Variants in OR51F1 observed in about 807,000 individuals in gnomAD.
OR51F1 encodes olfactory receptor family 51 subfamily F member 1.
For synonymous variants in OR51F1, 142 were observed against 143.5 expected (o/e 0.99, Z 0.08); for missense variants, 438 against 385.4 (o/e 1.14, Z -1.14).
Position 4,769,105 on chromosome 11 carries a change from G to A in OR51F1, c.834C>T (p.Pro278=), listed in dbSNP as rs1392551407. ...SLVYRYGRSA[P]RVVHSVMANV... is the part of the protein sequence containing the mutation. ...TAGCCATCACTGAATGGACTACTCT[G>A]GGGGCTGACCGACCATAGCGATACA... Residue 278 remains proline, a synonymous_variant, in exon 1 of 1, where the codon CCC becomes CCT. Transcript: ENST00000624103. The A allele has an allele frequency of 1.3e-6, 2 of 1,599,664 alleles. No individual in the cohort carries two copies. The highest frequency in any genetic ancestry group is 1.3e-5 in the African/African-American group (1 of 74,688).
In OR51F1 at chr11:4,769,626, T is replaced by C; in HGVS notation, c.313A>G (p.Ser105Gly). The change falls in exon 1 of 1, where the codon AGC (serine) becomes GGC (glycine). Residue 105 changes from serine to glycine, a missense_variant. Transcript: ENST00000624103. The stretch of plus-strand genomic sequence containing the variant: ...AGAAAAAACATCTGGACAATGCAGC[T>C]ATATAGACTGATTTCACGTGCCTCA... The part of the protein sequence containing the change: ...WFEAREISLY[S>G]CIVQMFFLHG... 1 of 1,603,764 alleles carries C rather than the reference T, an allele frequency of 6.2e-7. No individual in the cohort carries two copies. Among genetic ancestry groups the C allele is most frequent in the Non-Finnish European group, 8.5e-7 (1 of 1,177,034 alleles).
In OR51F1 at chr11:4,769,552, A is replaced by T. The variant is rs1848683669; in HGVS notation, c.387T>A (p.Phe129Leu). The change falls in exon 1 of 1, where the codon TTT (phenylalanine) becomes TTA (leucine). Residue 129 changes from phenylalanine (F) to leucine (L), a missense_variant. By Grantham distance (22) the Phe-to-Leu change is conservative. Coordinates refer to ENST00000624103, the MANE Select transcript of OR51F1 (RefSeq NM_001004752.2). ...MESGVLVATAFDRYVAICDPL... is the reference protein window; with the variant it reads ...MESGVLVATALDRYVAICDPL... ...GGTCACAGATGGCCACATAACGGTC[A>T]AAGGCTGTAGCCACCAGCACTCCAG... The T allele has an allele frequency of 6.2e-7, 1 of 1,613,460 alleles. No individual in the cohort carries two copies. Among genetic ancestry groups the T allele is most frequent in the African/African-American group, 1.3e-5 (1 of 74,898 alleles).
Position 4,769,147 on chromosome 11 carries a change from C to A in OR51F1, c.792G>T (p.Met264Ile). ...VGAVAFFYIHMLSLSLVYRYG... is the reference protein window; with the variant it reads ...VGAVAFFYIHILSLSLVYRYG... ...AGCGATACACCAAGGACAGGCTCAG[C>A]ATGTGGATGTAGAAGAAAGCAACTG... is the stretch of plus-strand genomic sequence containing the variant. The change falls in exon 1 of 1, where the codon ATG (methionine) becomes ATT (isoleucine). Residue 264 changes from methionine (M) to isoleucine (I), a missense_variant. Physicochemically the swap from Met to Ile is conservative, Grantham distance 10. Coordinates refer to ENST00000624103, the MANE Select transcript of OR51F1 (RefSeq NM_001004752.2). 1 of 1,613,028 alleles carries A rather than the reference C, an allele frequency of 6.2e-7. No homozygotes were observed.
chr11:4,769,270 A>C lies in OR51F1; in HGVS notation c.669T>G (p.Ile223Met), dbSNP rs940698397. ...ILTTGIDTPC[I>M]VLSYILIIHS... The stretch of plus-strand genomic sequence containing the variant: ...GAATAATTAAGATATATGACAGGAC[A>C]ATGCATGGTGTATCTATTCCAGTGG... Residue 223 changes from isoleucine to methionine, a missense_variant, in exon 1 of 1, where the codon ATT becomes ATG. Ile to Met is a conservative substitution (Grantham distance 10, BLOSUM62 1). Transcript: ENST00000624103. 6.8e-6 allele frequency: 11 copies of C among 1,613,594 alleles called. No individual in the cohort carries two copies. In the Admixed American group the frequency reaches 1.0e-4, roughly 15 times the overall value.
rs766603527 is a variant in OR51F1 at position 4,769,100 on chromosome 11, A to C, written c.839T>G (p.Val280Gly). Residue 280 changes from valine (V) to glycine (G), a missense_variant, in exon 1 of 1, where the codon GTA becomes GGA. Val to Gly is a moderately radical substitution (Grantham distance 109). Coordinates refer to ENST00000624103, the MANE Select transcript of OR51F1 (RefSeq NM_001004752.2). ...TACATTAGCCATCACTGAATGGACTACTCTGGGGGCTGACCGACCATAGCG... is the reference window on the plus strand; with the variant it reads ...TACATTAGCCATCACTGAATGGACTCCTCTGGGGGCTGACCGACCATAGCG... Reference protein sequence around the residue: ...VYRYGRSAPRVVHSVMANVYL... With the variant: ...VYRYGRSAPRGVHSVMANVYL... 43 of 1,597,060 alleles carry C rather than the reference A, an allele frequency of 2.7e-5. No homozygotes were observed. In the East Asian group the frequency reaches 7.4e-4, roughly 27 times the overall value.
rs1030723 is a variant in OR51F1, at chr11:4,769,241, G to C, written c.698C>G (p.Ser233Cys). The C allele has an allele frequency of 3.6e-4, 587 of 1,613,354 alleles. 1 individual carries two copies. Among genetic ancestry groups the C allele is most frequent in the Non-Finnish European group, 4.6e-4 (537 of 1,179,422 alleles). Residue 233 changes from serine (S) to cysteine (C), a missense_variant, in exon 1 of 1, where the codon TCT becomes TGT. Physicochemically the swap from Ser to Cys is moderately radical, Grantham distance 112 (BLOSUM62 -1). Transcript: ENST00000624103. ...TTCAGGGGAGGCAATTCTGAGGACA[G>C]AGTGAATAATTAAGATATATGACAG... ...IVLSYILIIH[S>C]VLRIASPEEW...
At position 4,769,457 on chromosome 11, in the gene OR51F1, G is replaced by A. The variant is rs1848681140; in HGVS notation, c.482C>T (p.Ala161Val). 6.2e-7 allele frequency: 1 copy of A among 1,612,512 alleles called. No individual in the cohort carries two copies. Among genetic ancestry groups the A allele is most frequent in the Non-Finnish European group, 8.5e-7 (1 of 1,178,570 alleles). Residue 161 changes from alanine to valine, a missense_variant, in exon 1 of 1, where the codon GCT becomes GTT. Ala to Val is a moderately conservative substitution (Grantham distance 64). Coordinates refer to ENST00000624103, the MANE Select transcript of OR51F1 (RefSeq NM_001004752.2). ...AAGTAGTGGCAATATTAGTACTATA[G>A]CACGTGTAATCATCAGAAGACCCAT... ...IQMGLLMITR[A>V]IVLILPLLLL...
chr11:4,769,596 C>T lies in OR51F1; in HGVS notation c.343G>A (p.Gly115Arg), dbSNP rs1564905395. 2 of 1,613,164 alleles carry T rather than the reference C, an allele frequency of 1.2e-6. No homozygotes were observed. The highest frequency in any genetic ancestry group is 1.7e-5 in the Admixed American group (1 of 59,986). The change falls in exon 1 of 1, where the codon GGA (glycine) becomes AGA (arginine). Residue 115 changes from glycine (G) to arginine (R), a missense_variant. By Grantham distance (125) the Gly-to-Arg change is moderately radical. Coordinates refer to ENST00000624103, the MANE Select transcript of OR51F1 (RefSeq NM_001004752.2). ...ACTCCAGATTCCATAAAAGTGAATC[C>T]ATGAAGAAAAAACATCTGGACAATG... ...SCIVQMFFLH[G>R]FTFMESGVLV...
chr11:4,769,535 A>T lies in OR51F1; in HGVS notation c.404T>A (p.Ile135Asn), dbSNP rs2133420416. 1 of 1,613,724 alleles carries T rather than the reference A, an allele frequency of 6.2e-7. No homozygotes were observed. The highest frequency in any genetic ancestry group is 1.1e-5 in the South Asian group (1 of 91,054). Residue 135 changes from isoleucine to asparagine, a missense_variant, in exon 1 of 1, where the codon ATC (isoleucine) becomes AAC (asparagine). By Grantham distance (149) the Ile-to-Asn change is moderately radical. Transcript: ENST00000624103. ...VATAFDRYVA[I>N]CDPLRYTTIL... ...GGTAGTGTACCTCAGAGGGTCACAG[A>T]TGGCCACATAACGGTCAAAGGCTGT...
In OR51F1 at chr11:4,769,256, A is replaced by G. The variant is rs1848675563; in HGVS notation, c.683T>C (p.Ile228Thr). Reference protein sequence around the residue: ...IDTPCIVLSYILIIHSVLRIA... With the variant: ...IDTPCIVLSYTLIIHSVLRIA... ...TCTGAGGACAGAGTGAATAATTAAG[A>G]TATATGACAGGACAATGCATGGTGT... The change falls in exon 1 of 1, where the codon ATC becomes ACC. Residue 228 changes from isoleucine (I) to threonine (T), a missense_variant. Transcript: ENST00000624103. The G allele has an allele frequency of 6.2e-7, 1 of 1,613,710 alleles. No individual in the cohort carries two copies. Among genetic ancestry groups the G allele is most frequent in the Non-Finnish European group, 8.5e-7 (1 of 1,179,598 alleles).
chr11:4,769,300 G>A lies in OR51F1; in HGVS notation c.639C>T (p.Ile213=), dbSNP rs148379006. The A allele has an allele frequency of 1.1e-5, 17 of 1,613,352 alleles. No individual in the cohort carries two copies. The highest frequency in any genetic ancestry group is 1.2e-5 in the Non-Finnish European group (14 of 1,179,422). Reference sequence around the variant, plus strand: ...ATGGTGTATCTATTCCAGTGGTCAGGATGAGATCAATTAATCCACAGATGC... The same window carrying A: ...ATGGTGTATCTATTCCAGTGGTCAGAATGAGATCAATTAATCCACAGATGC... ...ANSICGLIDL[I]LTTGIDTPCI... is the part of the protein sequence containing the mutation. Residue 213 remains isoleucine (I), a synonymous_variant, in exon 1 of 1, where the codon ATC becomes ATT. Coordinates refer to ENST00000624103, the MANE Select transcript of OR51F1 (RefSeq NM_001004752.2).
rs139690464 is a variant in OR51F1, at chr11:4,769,059, G to A, written c.880C>T (p.Pro294Ser). Residue 294 changes from proline (P) to serine (S), a missense_variant, in exon 1 of 1, where the codon CCT becomes TCT. Physicochemically the swap from Pro to Ser is moderately conservative, Grantham distance 74 (BLOSUM62 -1). Coordinates refer to ENST00000624103, the MANE Select transcript of OR51F1 (RefSeq NM_001004752.2). Reference protein sequence around the residue: ...VMANVYLLLPPVLNPIIDSVK... With the variant: ...VMANVYLLLPSVLNPIIDSVK... ...CTGTCGATGATGGGGTTGAGCACAGGGGGTAAAAGCAGGTATACATTAGCC... is the reference window on the plus strand; with the variant it reads ...CTGTCGATGATGGGGTTGAGCACAGAGGGTAAAAGCAGGTATACATTAGCC... 40 of 1,556,206 alleles carry A rather than the reference G, an allele frequency of 2.6e-5. No homozygotes were observed. The highest frequency in any genetic ancestry group is 3.7e-5 in the South Asian group (3 of 81,174).
chr11:4,769,437 G>C lies in OR51F1; in HGVS notation c.502C>G (p.Leu168Val), dbSNP rs1848680462. 6.2e-7 allele frequency: 1 copy of C among 1,613,050 alleles called. No homozygotes were observed. Among genetic ancestry groups the C allele is most frequent in the African/African-American group, 1.3e-5 (1 of 74,886 alleles). Residue 168 changes from leucine (L) to valine (V), a missense_variant, in exon 1 of 1, where the codon CTA becomes GTA. By Grantham distance (32) the Leu-to-Val change is conservative (BLOSUM62 1). Coordinates refer to ENST00000624103, the MANE Select transcript of OR51F1 (RefSeq NM_001004752.2). ...TAGAGAGGCTTAAGGAGCAAAAGTA[G>C]TGGCAATATTAGTACTATAGCACGT... ...ITRAIVLILP[L>V]LLLLKPLYFC...
At position 4,769,172 on chromosome 11, in the gene OR51F1, G is replaced by T; in HGVS notation, c.767C>A (p.Ala256Glu). The change falls in exon 1 of 1, where the codon GCA becomes GAA. Residue 256 changes from alanine to glutamate, a missense_variant. Transcript: ENST00000624103. ...CATGTGGATGTAGAAGAAAGCAACT[G>T]CTCCCACATGGGAGACACAGGTGCT... ...VFSTCVSHVG[A>E]VAFFYIHMLS... 6.2e-7 allele frequency: 1 copy of T among 1,614,084 alleles called. No homozygotes were observed. The highest frequency in any genetic ancestry group is 8.5e-7 in the Non-Finnish European group (1 of 1,179,960).
In OR51F1 at chr11:4,769,513, AG is replaced by A. The variant is rs749891607; in HGVS notation, c.425del (p.Thr142IlefsTer15). On this transcript the variant is annotated frameshift_variant, in exon 1 of 1. Transcript: ENST00000624103. LOFTEE classifies it low-confidence loss of function (END_TRUNC). ...TGATTCTGGAATTAGTGAGAATGGTAGTGTACCTCAGAGGGTCACAGATGGC... is the reference window on the plus strand; with the variant it reads ...TGATTCTGGAATTAGTGAGAATGGTATGTACCTCAGAGGGTCACAGATGGC... Reference protein sequence around the residue: ...YVAICDPLRYTTILTNSRIIQ... With the variant: ...YVAICDPLRYXTILTNSRIIQ... 4.3e-6 allele frequency: 7 copies of A among 1,613,744 alleles called. No homozygotes were observed. Among genetic ancestry groups the A allele is most frequent in the South Asian group, 3.3e-5 (3 of 91,064 alleles).
At position 4,769,434 on chromosome 11, in the gene OR51F1, G is replaced by C. The variant is rs1251935230; in HGVS notation, c.505C>G (p.Leu169Val). Residue 169 changes from leucine (L) to valine (V), a missense_variant, in exon 1 of 1, where the codon CTT becomes GTT. Physicochemically the swap from Leu to Val is conservative, Grantham distance 32 (BLOSUM62 1). Coordinates refer to ENST00000624103, the MANE Select transcript of OR51F1 (RefSeq NM_001004752.2). ...AAATAGAGAGGCTTAAGGAGCAAAA[G>C]TAGTGGCAATATTAGTACTATAGCA... ...TRAIVLILPL[L>V]LLLKPLYFCR... The C allele has an allele frequency of 6.2e-7, 1 of 1,613,414 alleles. No homozygotes were observed. Among genetic ancestry groups the C allele is most frequent in the Non-Finnish European group, 8.5e-7 (1 of 1,179,452 alleles).
In OR51F1 at chr11:4,769,406, C is replaced by A. The variant is rs1234221743; in HGVS notation, c.533G>T (p.Cys178Phe). The change falls in exon 1 of 1, where the codon TGT becomes TTT. Residue 178 changes from cysteine to phenylalanine, a missense_variant. Coordinates refer to ENST00000624103, the MANE Select transcript of OR51F1 (RefSeq NM_001004752.2). ...GGAGTGAGAAAGGGCATTCATTCTA[C>A]AGAAATAGAGAGGCTTAAGGAGCAA... ...LLLLLKPLYF[C>F]RMNALSHSYC... 6.2e-7 allele frequency: 1 copy of A among 1,613,932 alleles called. No homozygotes were observed. The highest frequency in any genetic ancestry group is 8.5e-7 in the Non-Finnish European group (1 of 1,179,882).
chr11:4,769,029 T>C lies in OR51F1; in HGVS notation c.910A>G (p.Lys304Glu). The change falls in exon 1 of 1, where the codon AAA becomes GAA. Residue 304 changes from lysine to glutamate, a missense_variant. Transcript: ENST00000624103. The part of the protein sequence containing the change: ...PVLNPIIDSV[K>E]TKQIRKAMLS... ...ATAGCCTTGCGGATTTGTTTTGTTT[T>C]TACACTGTCGATGATGGGGTTGAGC... The C allele has an allele frequency of 3.9e-6, 6 of 1,527,920 alleles. No individual in the cohort carries two copies. Among genetic ancestry groups the C allele is most frequent in the Non-Finnish European group, 5.3e-6 (6 of 1,138,818 alleles). The allele number at this position is 1,527,920 out of a possible 1,614,324, so 94.6% of individuals were successfully genotyped here.
At position 4,769,030 on chromosome 11, in the gene OR51F1, T is replaced by C. The variant is rs1564904967; in HGVS notation, c.909A>G (p.Val303=). ...TAGCCTTGCGGATTTGTTTTGTTTT[T>C]ACACTGTCGATGATGGGGTTGAGCA... ...PPVLNPIIDS[V]KTKQIRKAML... is the part of the protein sequence containing the mutation. Residue 303 remains valine (V), a synonymous_variant, in exon 1 of 1, where the codon GTA becomes GTG. Transcript: ENST00000624103. The C allele has an allele frequency of 1.3e-6, 2 of 1,528,114 alleles. No individual in the cohort carries two copies. Among genetic ancestry groups the C allele is most frequent in the Non-Finnish European group, 1.8e-6 (2 of 1,138,938 alleles). 94.7% of individuals were successfully genotyped at this position (1,528,114 alleles called of 1,614,324 possible). A position where few individuals can be genotyped will look rare whatever the true frequency, so the allele number is the denominator to read the frequency against.
Sources: gnomAD v4.1 joint callset for allele counts on GRCh38, gnomAD v4.1.1 for gene constraint, MANE v1.5 for transcripts, NCBI Gene and HGNC (gene_info 2026-07-23, HGNC 2026-07-21) for gene names.